Variants in MORC4 observed in about 807,000 individuals in gnomAD.
The protein encoded by MORC4 is MORC family CW-type zinc finger 4.
Under a neutral mutation model 65.5 loss-of-function variants are expected in MORC4, and 22 were observed. The ratio of observed to expected loss-of-function variants is 0.34; its 90% confidence interval spans 0.24 to 0.48. The LOEUF (loss-of-function observed/expected upper bound fraction) is 0.48, where lower values mean the gene tolerates loss of function less well. Ranked by LOEUF, MORC4 falls within the 20% of genes least tolerant of loss-of-function variation. The pLI is 0.99. For missense variants in MORC4, 624 were observed against 703.0 expected (o/e 0.89, Z 1.27); for synonymous variants, 267 against 255.8 (o/e 1.04, Z -0.42).
intron 14 of MORC4, among the ~76,000 whole-genome samples, chrX:106,949,216 T>C (rs1489108789): frequency 1.8e-5 from 2 of 111,988 alleles, no homozygotes; most frequent in Non-Finnish European, 3.8e-5. Flanking sequence ...TCAGTTATTA[T>C]ACCTTGCACC....
chrX:106,993,284 G>A lies in MORC4; in HGVS notation c.254C>T (p.Thr85Ile). The A allele has an allele frequency of 1.7e-6, 2 of 1,209,901 alleles. No individual in the cohort carries two copies. The highest frequency in any genetic ancestry group is 2.2e-6 in the Non-Finnish European group (2 of 893,847). ...VEEVKNKSCL[T>I]FTDDGCGMTP... Reference sequence around the variant, plus strand: ...CATCCCACATCCATCATCGGTAAAGGTCAAACAAGATTTATTCTTGACCTC... The same window carrying A: ...CATCCCACATCCATCATCGGTAAAGATCAAACAAGATTTATTCTTGACCTC... The change falls in exon 3 of 17, where the codon ACC becomes ATC. Residue 85 changes from threonine (T) to isoleucine (I), a missense_variant. Physicochemically the swap from Thr to Ile is moderately conservative, Grantham distance 89 (BLOSUM62 -1). Transcript: ENST00000355610.
chrX:106,989,881 A>G (rs1934945435), intron 3 of MORC4, among the ~76,000 whole-genome samples: 1 of 94,248 alleles, frequency 1.1e-5, no homozygotes, highest in African/African-American at 4.0e-5. Flanking sequence ...AAAAAAAAAA[A>G]ACCCAGAAAA....
At chrX:106,944,116 A>G (rs1296022928) in intron 14 of MORC4, among the ~76,000 whole-genome samples, 3 of 112,516 alleles carry the variant, frequency 2.7e-5, no homozygotes, top group Non-Finnish European at 5.6e-5. Context: ...AGAAAGCATC[A>G]GACATATGAT....
intron 13 of MORC4, among the ~76,000 whole-genome samples, chrX:106,956,211 T>C (rs1934101552): frequency 8.9e-6 from 1 of 111,864 alleles, no homozygotes; most frequent in Admixed American, 9.5e-5. Flanking sequence ...CTGAATATTC[T>C]GTGACATTGA....
intron 14 of MORC4, among the ~76,000 whole-genome samples, chrX:106,949,375 T>A (rs1933921042): frequency 8.9e-6 from 1 of 112,348 alleles, no homozygotes; most frequent in Admixed American, 9.5e-5. Context: ...AATATCTGAA[T>A]CTCTTCAAGA....
chrX:106,947,278 G>A (rs1933852219), intron 14 of MORC4, among the ~76,000 whole-genome samples: 1 of 109,116 alleles, frequency 9.2e-6, no homozygotes, highest in South Asian at 3.9e-4. Flanking sequence ...TGTCTATCCT[G>A]GAGAATATTT....
At chrX:106,946,800 C>T (rs1933838335) in intron 14 of MORC4, among the ~76,000 whole-genome samples, 1 of 111,208 alleles carries the variant, frequency 9.0e-6, no homozygotes, top group African/African-American at 3.3e-5. Context: ...GGCATACACG[C>T]CCAGCTAATT....
At chrX:106,981,113 C>T in intron 6 of MORC4, 94 bp from the exon 7 acceptor site, 2 of 1,071,194 alleles carry the variant, frequency 1.9e-6, no homozygotes, top group Non-Finnish European at 2.5e-6. Flanking sequence ...GATATCTATG[C>T]TGGGCAAAGA....
chrX:106,962,417 G>A (rs1386306210), intron 9 of MORC4, among the ~76,000 whole-genome samples: 3 of 112,030 alleles, frequency 2.7e-5, no homozygotes, highest in African/African-American at 9.7e-5. Flanking sequence ...CTTGACATTA[G>A]AGACTATGAC....
chrX:106,985,012 AT>A, intron 5 of MORC4, 83 bp downstream of exon 5: 1 of 907,052 alleles, frequency 1.1e-6, no homozygotes, highest in Non-Finnish European at 1.5e-6. Flanking sequence ...TTTTATAAAA[AT>A]TTTAAAAGTT....
chrX:106,984,801 T>A (rs1934834282), intron 5 of MORC4, among the ~76,000 whole-genome samples: 1 of 109,515 alleles, frequency 9.1e-6, no homozygotes, highest in South Asian at 4.0e-4. Context: ...TAAGACAAAG[T>A]TACATAAAAG....
At position 106,941,378 on chromosome X, in the gene MORC4, G is replaced by C; in HGVS notation, c.*101C>G. 4.2e-6 allele frequency: 1 copy of C among 235,422 alleles called. No homozygotes were observed. Among genetic ancestry groups the C allele is most frequent in the South Asian group, 1.6e-4 (1 of 6,300 alleles). 19.4% of individuals were successfully genotyped at this position (235,422 alleles called of 1,213,427 possible). A position where few individuals can be genotyped will look rare whatever the true frequency, so the allele number is the denominator to read the frequency against. ...AAGGCATAAAGGTGAGGGTGAGAGAGAGAGAGAGAGAGAGAGAGAGAGAGA... is the reference window on the plus strand; with the variant it reads ...AAGGCATAAAGGTGAGGGTGAGAGACAGAGAGAGAGAGAGAGAGAGAGAGA... On this transcript the variant is annotated 3_prime_UTR_variant, in exon 17 of 17. Coordinates refer to ENST00000355610, the MANE Select transcript of MORC4 (RefSeq NM_024657.5).
At chrX:106,957,103 C>T in intron 11 of MORC4, 99 bp from the exon 12 acceptor site, 2 of 465,306 alleles carry the variant, frequency 4.3e-6, no homozygotes, top group Non-Finnish European at 7.3e-6. Context: ...AACTCTCTAA[C>T]ATTACAGAGT....
chrX:106,950,228 G>A (rs1933939128), intron 14 of MORC4, among the ~76,000 whole-genome samples: 1 of 111,935 alleles, frequency 8.9e-6, no homozygotes, highest in Non-Finnish European at 1.9e-5. Context: ...ACTTATGATC[G>A]CTTGCACATT....
intron 9 of MORC4, among the ~76,000 whole-genome samples, chrX:106,975,842 C>T (rs748055668): frequency 9.0e-6 from 1 of 110,623 alleles, no homozygotes; most frequent in South Asian, 3.9e-4. Flanking sequence ...TAAAGTTCTC[C>T]CCACTTTGCA....
At chrX:106,946,993 T>C (rs758962561) in intron 14 of MORC4, among the ~76,000 whole-genome samples, 3 of 111,642 alleles carry the variant, frequency 2.7e-5, no homozygotes, top group Admixed American at 9.6e-5. Flanking sequence ...TCCCTCTGAG[T>C]ATTTCTTTAG....
chrX:106,959,289 C>G (rs1934178823), intron 10 of MORC4, among the ~76,000 whole-genome samples: 1 of 110,864 alleles, frequency 9.0e-6, no homozygotes, highest in Admixed American at 9.6e-5. Context: ...CAGAAGTACT[C>G]AGTACCTAAG....
intron 2 of MORC4, 55 bp downstream of exon 2, chrX:106,999,622 C>T: frequency 9.2e-7 from 1 of 1,084,230 alleles, no homozygotes; most frequent in South Asian, 2.1e-5. Flanking sequence ...TCCGCGGCAC[C>T]ACGCTGGCAC....
At chrX:106,960,205 C>T (rs899390770) in intron 10 of MORC4, among the ~76,000 whole-genome samples, 1 of 112,390 alleles carries the variant, frequency 8.9e-6, no homozygotes, top group East Asian at 2.8e-4. Flanking sequence ...GTTCTACATG[C>T]ATATGCATAG....
Sources: gnomAD v4.1 joint callset for allele counts (sites outside exome capture counted in the v4.1 genomes callset) on GRCh38, gnomAD v4.1.1 for gene constraint, MANE v1.5 for transcripts, NCBI Gene and HGNC (gene_info 2026-07-23, HGNC 2026-07-21) for gene names.